The following NOL4L variants were observed in gnomAD, a reference collection of about 807,000 sequenced individuals.
NOL4L encodes nucleolar protein 4-like.
A neutral mutation model predicts 64.5 loss-of-function variants in NOL4L; 7 were observed. The ratio of observed to expected loss-of-function variants is 0.11; its 90% CI spans 0.06 to 0.20. The LOEUF is 0.20. Among genes scored for constraint, NOL4L ranks in the 10% least tolerant of loss-of-function variants. The pLI is 1.00. For synonymous variants in NOL4L, 413 were observed against 401.0 expected, an observed-to-expected ratio of 1.03 and a Z score of -0.36; for missense variants, 680 against 967.1, an observed-to-expected ratio of 0.70 and a Z score of 3.94.
chr20:32,546,090 G>A (rs1168790908), intron 1 of NOL4L, among the ~76,000 whole-genome samples: 1 of 149,372 alleles, frequency 6.7e-6, no homozygotes, highest in African/African-American at 2.5e-5. Context: ...TGGGATTACA[G>A]GCAGGCACCA....
chr20:32,465,471 C>G (rs933362587), intron 5 of NOL4L, among the ~76,000 whole-genome samples: 1 of 152,250 alleles, frequency 6.6e-6, no homozygotes, highest in African/African-American at 2.4e-5. Context: ...CTACTGGCCA[C>G]TGATGCCCCG....
At chr20:32,488,825 CTTTTT>C (rs779015401) in intron 4 of NOL4L, among the ~76,000 whole-genome samples, 9 of 37,886 alleles carry the variant, frequency 2.4e-4, no homozygotes, top group African/African-American at 7.8e-4. Flanking sequence ...TTCTTTCTTT[CTTTTT>C]CTTTCTTTCT....
At chr20:32,537,538 T>C (rs1338920710) in intron 1 of NOL4L, among the ~76,000 whole-genome samples, 2 of 152,138 alleles carry the variant, frequency 1.3e-5, no homozygotes, top group African/African-American at 4.8e-5. Flanking sequence ...AGTCACAAGG[T>C]ACAGAGTGAC....
chr20:32,487,598 G>C (rs922643333), intron 4 of NOL4L, among the ~76,000 whole-genome samples: 3 of 152,288 alleles, frequency 2.0e-5, no homozygotes, highest in East Asian at 3.9e-4. Flanking sequence ...TGTGGGCCAG[G>C]GGGAGGGCAG....
intron 1 of NOL4L, among the ~76,000 whole-genome samples, chr20:32,580,967 C>T (rs748498194): frequency 2.0e-5 from 3 of 152,194 alleles, no homozygotes; most frequent in Non-Finnish European, 2.9e-5. Context: ...AATGCCGGAA[C>T]GGAATTGGAG....
intron 5 of NOL4L, among the ~76,000 whole-genome samples, chr20:32,469,840 G>A (rs2014869217): frequency 6.6e-6 from 1 of 152,234 alleles, no homozygotes; most frequent in Admixed American, 6.5e-5. Context: ...CAGGGAGGTG[G>A]GGACAGGGCT....
chr20:32,491,554 A>G (rs1439995297), intron 4 of NOL4L, among the ~76,000 whole-genome samples: 3 of 152,218 alleles, frequency 2.0e-5, no homozygotes, highest in South Asian at 2.1e-4. Context: ...CCCTGCACAC[A>G]GTAGGGATGC....
intron 3 of NOL4L, chr20:32,519,822 T>G (rs2145571775): frequency 6.6e-6 from 1 of 152,362 alleles, no homozygotes; most frequent in African/African-American, 2.4e-5. Context: ...ATTTTATTGT[T>G]TTTTGAGATG....
intron 1 of NOL4L, among the ~76,000 whole-genome samples, chr20:32,568,176 C>A (rs1979547747): frequency 6.6e-6 from 1 of 152,114 alleles, no homozygotes; most frequent in African/African-American, 2.4e-5. Context: ...CCATCACCAC[C>A]ATCAGCACCA....
intron 4 of NOL4L, among the ~76,000 whole-genome samples, chr20:32,506,012 T>C (rs1363197638): frequency 6.6e-6 from 1 of 152,230 alleles, no homozygotes; most frequent in Non-Finnish European, 1.5e-5. Context: ...CACTCAATTA[T>C]ATACTTAAAC....
chr20:32,496,138 G>A (rs2016680242), intron 4 of NOL4L, among the ~76,000 whole-genome samples: 1 of 152,066 alleles, frequency 6.6e-6, no homozygotes, highest in South Asian at 2.1e-4. Flanking sequence ...CTTTGAAGAC[G>A]GCTCCCAGGC....
intron 5 of NOL4L, among the ~76,000 whole-genome samples, chr20:32,466,731 G>T (rs1427957518): frequency 6.6e-6 from 1 of 152,198 alleles, no homozygotes; most frequent in African/African-American, 2.4e-5. Flanking sequence ...TAGGGTCAGG[G>T]CAATGGACAC....
At chr20:32,528,024 C>G in intron 1 of NOL4L, 111 bp from the exon 2 acceptor site, 13 of 313,084 alleles carry the variant, frequency 4.2e-5, no homozygotes, top group East Asian at 1.0e-4. Flanking sequence ...GACAGTGGGT[C>G]TTGGGGTGGG....
At chr20:32,457,742 C>T (rs2013689344) in intron 5 of NOL4L, among the ~76,000 whole-genome samples, 1 of 152,190 alleles carries the variant, frequency 6.6e-6, no homozygotes. Flanking sequence ...AGCCTAGCTC[C>T]ACCACTCCCT....
intron 9 of NOL4L, 141 bp downstream of exon 9, chr20:32,452,743 C>T (rs1027997009): frequency 3.0e-6 from 4 of 1,347,420 alleles, no homozygotes; most frequent in Non-Finnish European, 3.0e-6. Flanking sequence ...CCCACCTCCT[C>T]TCCTTGTCTT....
intron 1 of NOL4L, among the ~76,000 whole-genome samples, chr20:32,563,887 T>G (rs1271285351): frequency 6.6e-6 from 1 of 152,228 alleles, no homozygotes; most frequent in East Asian, 1.9e-4. Context: ...TTCTGGTCAC[T>G]GGGCCCTAAG....
intron 4 of NOL4L, among the ~76,000 whole-genome samples, chr20:32,482,106 CAGG>C (rs1007125443): frequency 1.3e-5 from 2 of 152,132 alleles, no homozygotes. Flanking sequence ...CAGGTGAAAT[CAGG>C]AGGTTATTCA....
At chr20:32,554,083 G>A (rs1405131387) in intron 1 of NOL4L, among the ~76,000 whole-genome samples, 1 of 152,160 alleles carries the variant, frequency 6.6e-6, no homozygotes, top group African/African-American at 2.4e-5. Flanking sequence ...CACTTTGGGA[G>A]GCCAAGGCGG....
intron 4 of NOL4L, among the ~76,000 whole-genome samples, chr20:32,483,110 C>G (rs1246408741): frequency 6.7e-6 from 1 of 150,210 alleles, no homozygotes. Context: ...TCATCGCCCC[C>G]CCTCCACTCT....
Sources: gnomAD v4.1 joint callset for allele counts (sites outside exome capture counted in the v4.1 genomes callset) on GRCh38, gnomAD v4.1.1 for gene constraint, MANE v1.5 for transcripts, NCBI Gene and HGNC (gene_info 2026-07-23, HGNC 2026-07-21) for gene names.